The following PDZRN4 variants were observed in gnomAD, a reference collection of about 807,000 sequenced individuals.
PDZRN4 encodes the protein PDZ domain-containing RING finger protein 4.
Under a neutral mutation model 99.0 loss-of-function variants are expected in PDZRN4, and 70 were observed. The observed-to-expected ratio is 0.71, with a 90% CI of 0.58 to 0.86. The LOEUF is 0.86. Among genes scored for constraint, PDZRN4 ranks in the 40% least tolerant of loss-of-function variants. PDZRN4 has a pLI of 0.00. For missense variants in PDZRN4, 1,474 were observed against 1,331.2 expected, an observed-to-expected ratio of 1.11 and a Z score of -1.67; for synonymous variants, 551 against 501.6, an observed-to-expected ratio of 1.10 and a Z score of -1.32.
intron 3 of PDZRN4, among the ~76,000 whole-genome samples, chr12:41,390,771 A>G (rs73274454): frequency 0.017 from 2,526 of 152,186 alleles, 72 homozygotes; most frequent in African/African-American, 0.056. Flanking sequence ...GGTGCAAGCA[A>G]TTTCAAAAGC....
At chr12:41,489,664 A>G (rs1349180381) in intron 3 of PDZRN4, among the ~76,000 whole-genome samples, 1 of 135,924 alleles carries the variant, frequency 7.4e-6, no homozygotes, top group Non-Finnish European at 1.6e-5. Context: ...TATTTTACTG[A>G]GATTTCCAGG....
At chr12:41,453,660 T>C (rs1196698337) in intron 3 of PDZRN4, among the ~76,000 whole-genome samples, 1 of 152,200 alleles carries the variant, frequency 6.6e-6, no homozygotes, top group Non-Finnish European at 1.5e-5. Context: ...AATGTACTCA[T>C]CCATCTTCTT....
At chr12:41,361,537 A>G (rs1284667527) in intron 3 of PDZRN4, among the ~76,000 whole-genome samples, 1 of 152,076 alleles carries the variant, frequency 6.6e-6, no homozygotes, top group Non-Finnish European at 1.5e-5. Context: ...TTGTGGAACT[A>G]AAACAAGGAA....
rs576697945 is a variant in PDZRN4 at position 41,445,536 on chromosome 12, A to G, written c.844-60920A>G. Among the ~76,000 whole-genome samples the G allele has an allele frequency of 2.6e-5, 4 of 152,228 alleles. No individual in the cohort carries two copies. The East Asian group carries it at 7.7e-4, about 29-fold the overall frequency. The stretch of plus-strand genomic sequence containing the variant: ...GTAGATTTTCATATATTGAATTTTC[A>G]CAAGTCATTTAATAGGTATGCAATC... On this transcript the variant is annotated intron_variant, in intron 3 of 9. Transcript: ENST00000402685.
chr12:41,357,407 G>A (rs184608135), intron 3 of PDZRN4, among the ~76,000 whole-genome samples: 12 of 152,020 alleles, frequency 7.9e-5, no homozygotes, highest in African/African-American at 2.4e-4. Flanking sequence ...AGTGCTTGAC[G>A]TATTCTAAGG....
intron 3 of PDZRN4, among the ~76,000 whole-genome samples, chr12:41,241,343 T>TG (rs1386689818): frequency 6.6e-6 from 1 of 152,236 alleles, no homozygotes; most frequent in Non-Finnish European, 1.5e-5. Context: ...TGTTTGGTTG[T>TG]TAATTTTGTT....
intron 3 of PDZRN4, among the ~76,000 whole-genome samples, chr12:41,429,514 A>C (rs1171531629): frequency 6.6e-6 from 1 of 152,184 alleles, no homozygotes; most frequent in Non-Finnish European, 1.5e-5. Flanking sequence ...TGCTGTGAGC[A>C]TCACCAGAAT....
chr12:41,435,025 G>A (rs1952616600), intron 3 of PDZRN4, among the ~76,000 whole-genome samples: 1 of 152,174 alleles, frequency 6.6e-6, no homozygotes, highest in African/African-American at 2.4e-5. Context: ...TCACTCTTCA[G>A]TTCTATAGGA....
rs117001314 is a variant in PDZRN4 at position 41,356,740 on chromosome 12, A to T, written c.844-149716A>T. The stretch of plus-strand genomic sequence containing the variant: ...TCCTAATTTTACTGTGACCTTTTAG[A>T]ACTGATTTCATCTGGTAGAGACTTG... On this transcript the variant is annotated intron_variant, in intron 3 of 9. Transcript: ENST00000402685. Among the ~76,000 whole-genome samples the T allele has an allele frequency of 2.2e-3, 341 of 152,110 alleles. 11 individuals are homozygous for T. In the East Asian group the frequency reaches 0.061, roughly 27 times the overall value.
chr12:41,209,870 G>A (rs532960425), intron 3 of PDZRN4, among the ~76,000 whole-genome samples: 2,179 of 148,986 alleles, frequency 0.015, 42 homozygotes, highest in African/African-American at 0.039. Flanking sequence ...CCAGTAACGG[G>A]ATGGCTGGGT....
chr12:41,391,754 T>C (rs1952212541), intron 3 of PDZRN4, among the ~76,000 whole-genome samples: 1 of 152,158 alleles, frequency 6.6e-6, no homozygotes, highest in African/African-American at 2.4e-5. Flanking sequence ...CCCAGGTTCA[T>C]TGAAAAATCT....
chr12:41,224,538 GC>G (rs1299261333), intron 3 of PDZRN4, among the ~76,000 whole-genome samples: 1 of 152,164 alleles, frequency 6.6e-6, no homozygotes, highest in Non-Finnish European at 1.5e-5. Flanking sequence ...AAGTGATAGT[GC>G]TTTTAGTGGA....
chr12:41,309,164 A>G (rs1341410722), intron 3 of PDZRN4, among the ~76,000 whole-genome samples: 2 of 152,216 alleles, frequency 1.3e-5, no homozygotes, highest in East Asian at 3.8e-4. Flanking sequence ...AAGTACCACA[A>G]GAAACCTAAC....
intron 3 of PDZRN4, among the ~76,000 whole-genome samples, chr12:41,471,609 T>C (rs1388554932): frequency 6.6e-6 from 1 of 150,630 alleles, no homozygotes; most frequent in Non-Finnish European, 1.5e-5. Flanking sequence ...ATGATGTTAA[T>C]GATGATGATT....
intron 3 of PDZRN4, among the ~76,000 whole-genome samples, chr12:41,258,752 A>G (rs1337629406): frequency 1.3e-5 from 2 of 152,122 alleles, no homozygotes; most frequent in African/African-American, 4.8e-5. Flanking sequence ...TTTATATTCT[A>G]TTAGGAGAGA....
chr12:41,355,315 C>T (rs544418301), intron 3 of PDZRN4, among the ~76,000 whole-genome samples: 1 of 152,122 alleles, frequency 6.6e-6, no homozygotes, highest in African/African-American at 2.4e-5. Context: ...GGTGATGACA[C>T]ATTGAGAACC....
At position 41,572,560 on chromosome 12, in the gene PDZRN4, C is replaced by G. The variant is rs144260129; in HGVS notation, c.1781C>G (p.Thr594Ser). 5 of 1,614,142 alleles carry G rather than the reference C, an allele frequency of 3.1e-6. No homozygotes were observed. The highest frequency in any genetic ancestry group is 4.2e-6 in the Non-Finnish European group (5 of 1,180,002). Residue 594 changes from threonine to serine, a missense_variant, in exon 10 of 10, where the codon ACT becomes AGT. Coordinates refer to ENST00000402685, the MANE Select transcript of PDZRN4 (RefSeq NM_001164595.2). Reference protein sequence around the residue: ...SKRDLGQSQDTLGSVELQYNE... With the variant: ...SKRDLGQSQDSLGSVELQYNE... ...AGAGACCTGGGGCAGAGCCAAGACA[C>G]TCTGGGAAGTGTTGAACTTCAGTAC...
chr12:41,413,629 C>G (rs1952417098), intron 3 of PDZRN4, among the ~76,000 whole-genome samples: 1 of 152,046 alleles, frequency 6.6e-6, no homozygotes. Flanking sequence ...AATGTTTATT[C>G]ATTGTGTACT....
intron 3 of PDZRN4, among the ~76,000 whole-genome samples, chr12:41,420,463 A>C (rs1166434199): frequency 1.3e-5 from 2 of 151,862 alleles, no homozygotes; most frequent in Non-Finnish European, 2.9e-5. Context: ...CCACCTCATT[A>C]TTTGTCCCAT....
Sources: gnomAD v4.1 joint callset for allele counts (sites outside exome capture counted in the v4.1 genomes callset) on GRCh38, gnomAD v4.1.1 for gene constraint, MANE v1.5 for transcripts, NCBI Gene and HGNC (gene_info 2026-07-23, HGNC 2026-07-21) for gene names.